The following CLASP2 variants were observed in gnomAD, a reference collection of about 807,000 sequenced individuals.
CLASP2 encodes cytoplasmic linker associated protein 2.
Under a neutral mutation model 194.4 loss-of-function variants are expected in CLASP2, and 47 were observed. The ratio of observed to expected loss-of-function variants is 0.24; its 90% CI spans 0.19 to 0.31. The LOEUF is 0.31. Ranked by LOEUF, CLASP2 falls within the 10% of genes least tolerant of loss-of-function variation. The probability of loss-of-function intolerance (pLI) is 1.00; values close to 1 mark genes in which losing one functional copy is unlikely to be tolerated. For synonymous variants in CLASP2, 619 were observed against 633.5 expected (o/e 0.98, Z 0.34); for missense variants, 1,445 against 1,823.6 (o/e 0.79, Z 3.78).
intron 2 of CLASP2, among the ~76,000 whole-genome samples, chr3:33,695,669 G>A (rs1015821228): frequency 1.1e-4 from 16 of 152,232 alleles, no homozygotes; most frequent in Admixed American, 2.6e-4. Flanking sequence ...GCCAGGCATG[G>A]TGGTTCATGC....
At chr3:33,533,865 T>TG (rs1347382622) in intron 34 of CLASP2, among the ~76,000 whole-genome samples, 4 of 152,102 alleles carry the variant, frequency 2.6e-5, no homozygotes, top group Non-Finnish European at 5.9e-5. Context: ...GACAGGCGCG[T>TG]GCCACCACGC....
chr3:33,554,751 T>C (rs2060627182), intron 29 of CLASP2: 1 of 153,600 alleles, frequency 6.5e-6, no homozygotes, highest in South Asian at 2.1e-4. Context: ...CTTTATAAGT[T>C]TGCTGTATCT....
At chr3:33,622,079 C>T (rs2154280091) in intron 11 of CLASP2, 56 bp downstream of exon 11, 1 of 1,249,718 alleles carries the variant, frequency 8.0e-7, no homozygotes, top group African/African-American at 1.5e-5. Flanking sequence ...AGCAATGAAT[C>T]AGTGAATACT....
intron 31 of CLASP2, among the ~76,000 whole-genome samples, chr3:33,544,401 A>G (rs1488319725): frequency 6.6e-6 from 1 of 152,126 alleles, no homozygotes; most frequent in Non-Finnish European, 1.5e-5. Flanking sequence ...TCCTGATTCT[A>G]ATGGCTTCCA....
intron 34 of CLASP2, 116 bp from the exon 35 acceptor site, chr3:33,517,290 A>C: frequency 1.2e-6 from 1 of 804,662 alleles, no homozygotes; most frequent in Non-Finnish European, 1.8e-6. Context: ...GCTGTAAAAA[A>C]GACAAAGAAA....
At chr3:33,538,370 A>C (rs940749546) in intron 33 of CLASP2, among the ~76,000 whole-genome samples, 2 of 152,246 alleles carry the variant, frequency 1.3e-5, no homozygotes, top group African/African-American at 2.4e-5. Flanking sequence ...CTTGGACCAC[A>C]CAATCTAAAA....
chr3:33,618,951 A>G (rs773490315), intron 12 of CLASP2, among the ~76,000 whole-genome samples: 2 of 152,162 alleles, frequency 1.3e-5, no homozygotes, highest in Non-Finnish European at 2.9e-5. Context: ...CATAGTATGA[A>G]CATCATAGAG....
rs571360806 is a variant in CLASP2 at position 33,561,367 on chromosome 3, GAGA to G, written c.2767-399_2767-397del. ...TTCTGAAGAGTGGCACTGAGTAAAT[GAGA>G]AGATGACTACAATGACCTTAAAGTA... On this transcript the variant is annotated intron_variant, in intron 27 of 38. Coordinates refer to ENST00000682230, the MANE Select transcript of CLASP2 (RefSeq NM_001365631.1). Among the ~76,000 whole-genome samples the G allele has an allele frequency of 6.7e-3, 1,018 of 152,338 alleles. 8 individuals carry two copies. The highest frequency in any genetic ancestry group is 8.5e-3 in the Non-Finnish European group (581 of 68,034).
Position 33,688,344 on chromosome 3 carries a change from C to T in CLASP2, c.403G>A (p.Gly135Ser), listed in dbSNP as rs780643538. 3.1e-6 allele frequency: 5 copies of T among 1,590,378 alleles called. No homozygotes were observed. In the East Asian group the frequency reaches 6.8e-5, roughly 22 times the overall value. ...PMYIWEQLAS[G>S]FKHKNFRSRE... ...GATCGAAAATTCTTGTGTTTAAAAC[C>T]AGAAGCCAACTGCTCCCAAATGTAC... is the stretch of plus-strand genomic sequence containing the variant. The change falls in exon 4 of 39, where the codon GGT becomes AGT. Residue 135 changes from glycine to serine, a missense_variant. Physicochemically the swap from Gly to Ser is moderately conservative, Grantham distance 56 (BLOSUM62 0). Coordinates refer to ENST00000682230, the MANE Select transcript of CLASP2 (RefSeq NM_001365631.1).
At chr3:33,549,817 C>A (rs1251619277) in intron 30 of CLASP2, among the ~76,000 whole-genome samples, 1 of 151,418 alleles carries the variant, frequency 6.6e-6, no homozygotes, top group East Asian at 2.0e-4. Flanking sequence ...TGTCTCATTG[C>A]ATCCTCGACC....
chr3:33,658,311 G>A (rs1219377106), intron 7 of CLASP2, among the ~76,000 whole-genome samples: 1 of 152,094 alleles, frequency 6.6e-6, no homozygotes. Context: ...TATATATTAA[G>A]TATACAAAAG....
chr3:33,598,976 C>T (rs1248559124), intron 18 of CLASP2, among the ~76,000 whole-genome samples: 1 of 152,082 alleles, frequency 6.6e-6, no homozygotes, highest in Non-Finnish European at 1.5e-5. Flanking sequence ...TTAGAGATAA[C>T]AAAAACCAGT....
At chr3:33,685,477 G>A (rs1250890976) in intron 5 of CLASP2, among the ~76,000 whole-genome samples, 2 of 151,694 alleles carry the variant, frequency 1.3e-5, no homozygotes, top group Admixed American at 6.6e-5. Flanking sequence ...CAAGAATGTG[G>A]CCTGAACTCA....
chr3:33,535,637 C>T (rs111461845), intron 33 of CLASP2, among the ~76,000 whole-genome samples, 176 bp from the exon 34 acceptor site: 3,902 of 152,088 alleles, frequency 0.026, 151 homozygotes, highest in African/African-American at 0.088. Context: ...ATATTCCAGA[C>T]GTCAAAGCTT....
chr3:33,576,375 C>T (rs1196029993), intron 23 of CLASP2, 100 bp from the exon 24 acceptor site: 2 of 778,266 alleles, frequency 2.6e-6, no homozygotes, highest in Non-Finnish European at 4.1e-6. Context: ...GGAAAAAAAA[C>T]CAATGGGGCA....
chr3:33,710,953 C>A (rs1321056170), intron 1 of CLASP2, among the ~76,000 whole-genome samples: 1 of 152,166 alleles, frequency 6.6e-6, no homozygotes, highest in Non-Finnish European at 1.5e-5. Context: ...ATTCTGCTTC[C>A]TTCCATTTTC....
chr3:33,646,052 CGAGGCA>C (rs2082233476), intron 7 of CLASP2, among the ~76,000 whole-genome samples: 1 of 151,508 alleles, frequency 6.6e-6, no homozygotes, highest in African/African-American at 2.4e-5. Flanking sequence ...ACAACATGGG[CGAGGCA>C]GAGAAGCAGC....
intron 34 of CLASP2, among the ~76,000 whole-genome samples, chr3:33,534,990 T>C (rs1482772587): frequency 6.6e-6 from 1 of 152,226 alleles, no homozygotes. Flanking sequence ...TAGTTATTTC[T>C]GGGTGGTAAC....
intron 6 of CLASP2, among the ~76,000 whole-genome samples, chr3:33,675,990 T>A (rs1247028506): frequency 6.6e-6 from 1 of 151,266 alleles, no homozygotes; most frequent in African/African-American, 2.4e-5. Context: ...ATCAATATCG[T>A]GAAAATGGCC....
Sources: gnomAD v4.1 joint callset for allele counts (sites outside exome capture counted in the v4.1 genomes callset) on GRCh38, gnomAD v4.1.1 for gene constraint, MANE v1.5 for transcripts, NCBI Gene and HGNC (gene_info 2026-07-23, HGNC 2026-07-21) for gene names.